The following ANK3 variants were observed in gnomAD, a reference collection of about 807,000 sequenced individuals.
The protein encoded by ANK3 is ankyrin-3.
Under a neutral mutation model 370.9 loss-of-function variants are expected in ANK3, and 57 were observed. The observed-to-expected ratio is 0.15, with a 90% CI of 0.12 to 0.19. The LOEUF is 0.19. ANK3 is among the 10% of genes least tolerant of loss of function. ANK3 has a pLI of 1.00. For synonymous variants in ANK3, 1,929 were observed against 1,946.3 expected (o/e 0.99, Z 0.23); for missense variants, 4,439 against 5,302.1 (o/e 0.84, Z 5.06).
chr10:60,710,733 G>T (rs916319795), intron 1 of ANK3, among the ~76,000 whole-genome samples: 5 of 152,158 alleles, frequency 3.3e-5, no homozygotes. Context: ...AAGCTGAAAA[G>T]TTCCACAATG....
intron 1 of ANK3, among the ~76,000 whole-genome samples, chr10:60,386,898 G>T (rs1402100189): frequency 2.0e-5 from 3 of 152,154 alleles, no homozygotes; most frequent in Non-Finnish European, 2.9e-5. Flanking sequence ...GGTGGCTCAC[G>T]CCTGTAATCC....
At chr10:60,183,179 C>T (rs1252278255) in intron 17 of ANK3, among the ~76,000 whole-genome samples, 1 of 152,168 alleles carries the variant, frequency 6.6e-6, no homozygotes, top group African/African-American at 2.4e-5. Flanking sequence ...AATAAAGGGC[C>T]AAGTTATTAC....
chr10:60,200,860 T>C (rs569344439), intron 12 of ANK3, among the ~76,000 whole-genome samples: 3 of 152,342 alleles, frequency 2.0e-5, no homozygotes, highest in South Asian at 4.1e-4. Flanking sequence ...CAGATCAATA[T>C]CTTAGTCTTT....
At chr10:60,286,375 ATGT>A (rs1266286311) in intron 1 of ANK3, among the ~76,000 whole-genome samples, 1 of 151,998 alleles carries the variant, frequency 6.6e-6, no homozygotes, top group Admixed American at 6.6e-5. Context: ...TTTTTGTCTA[ATGT>A]TGTGTTTCTT....
chr10:60,707,800 G>A (rs1181396541), intron 1 of ANK3, among the ~76,000 whole-genome samples: 1 of 151,816 alleles, frequency 6.6e-6, no homozygotes, highest in African/African-American at 2.4e-5. Flanking sequence ...ATTGCTGCAG[G>A]AATTTTCCTT....
At chr10:60,366,705 C>G (rs1297782053) in intron 1 of ANK3, among the ~76,000 whole-genome samples, 1 of 152,066 alleles carries the variant, frequency 6.6e-6, no homozygotes, top group Non-Finnish European at 1.5e-5. Context: ...ACTTGGTAGC[C>G]AACTGACCTT....
intron 23 of ANK3, among the ~76,000 whole-genome samples, chr10:60,162,409 G>A (rs1237041585): frequency 2.0e-5 from 3 of 152,104 alleles, no homozygotes; most frequent in Non-Finnish European, 4.4e-5. Flanking sequence ...GTGTATTTGG[G>A]CTTTCCTACC....
At chr10:60,558,733 T>A (rs1001643190) in intron 2 of ANK3, among the ~76,000 whole-genome samples, 3 of 152,224 alleles carry the variant, frequency 2.0e-5, no homozygotes, top group Admixed American at 6.5e-5. Context: ...TTTATGATTA[T>A]ATAATTCAGT....
intron 2 of ANK3, among the ~76,000 whole-genome samples, chr10:60,573,445 A>C (rs750377923): frequency 6.6e-6 from 1 of 152,220 alleles, no homozygotes; most frequent in Non-Finnish European, 1.5e-5. Context: ...TCTCTGTGGC[A>C]GAAACATTCT....
intron 1 of ANK3, among the ~76,000 whole-genome samples, chr10:60,352,651 G>T (rs2132702949): frequency 6.6e-6 from 1 of 152,230 alleles, no homozygotes; most frequent in East Asian, 1.9e-4. Flanking sequence ...ACCATCCTTG[G>T]ACTCTCTTTC....
chr10:60,464,378 G>T (rs1180012013), intron 2 of ANK3, among the ~76,000 whole-genome samples: 4 of 151,598 alleles, frequency 2.6e-5, no homozygotes, highest in Non-Finnish European at 4.4e-5. Context: ...TATTTTTTCT[G>T]AAAACAAGAT....
At chr10:60,273,939 T>C (rs1212088886) in intron 4 of ANK3, among the ~76,000 whole-genome samples, 1 of 152,210 alleles carries the variant, frequency 6.6e-6, no homozygotes, top group Non-Finnish European at 1.5e-5. Context: ...CTTTCCTTTA[T>C]AAATTACCCA....
intron 2 of ANK3, among the ~76,000 whole-genome samples, chr10:60,557,383 A>G (rs1382421678): frequency 1.3e-5 from 2 of 152,228 alleles, no homozygotes. Context: ...AGCCAGACAC[A>G]AAAGGACAAT....
At chr10:60,031,328 C>T (rs1270137284) in intron 43 of ANK3, among the ~76,000 whole-genome samples, 2 of 152,106 alleles carry the variant, frequency 1.3e-5, no homozygotes, top group Non-Finnish European at 2.9e-5. Flanking sequence ...TCTTGTCTTG[C>T]TGGAAGATTC....
chr10:60,392,111 A>G (rs547366122), upstream of ANK3, among the ~76,000 whole-genome samples: 1 of 152,324 alleles, frequency 6.6e-6, no homozygotes, highest in South Asian at 2.1e-4. Flanking sequence ...CTCCCTACAC[A>G]GCAGACATCC....
intron 2 of ANK3, among the ~76,000 whole-genome samples, chr10:60,556,861 G>C (rs2077218388): frequency 6.6e-6 from 1 of 152,152 alleles, no homozygotes; most frequent in Non-Finnish European, 1.5e-5. Context: ...GTGGTGGGTA[G>C]TGAGCATTAC....
intron 2 of ANK3, among the ~76,000 whole-genome samples, chr10:60,526,590 A>G (rs1185624599): frequency 5.3e-5 from 8 of 152,152 alleles, no homozygotes; most frequent in Non-Finnish European, 5.9e-5. Context: ...GCATTGTGGT[A>G]GGAATATATT....
intron 1 of ANK3, among the ~76,000 whole-genome samples, chr10:60,639,276 T>C (rs751645039): frequency 2.7e-4 from 40 of 150,618 alleles, no homozygotes; most frequent in Admixed American, 1.3e-3. Context: ...AGCAAAAATA[T>C]ATTTCAAAAA....
At chr10:60,198,800 C>A (rs938590654) in intron 13 of ANK3, among the ~76,000 whole-genome samples, 1 of 152,114 alleles carries the variant, frequency 6.6e-6, no homozygotes, top group Non-Finnish European at 1.5e-5. Flanking sequence ...CCCACCCACA[C>A]CTGCCACAGA....
Sources: allele counts gnomAD v4.1 joint callset (sites outside exome capture counted in the v4.1 genomes callset), GRCh38; gene constraint gnomAD v4.1.1; transcripts MANE v1.5; gene names NCBI Gene and HGNC (gene_info 2026-07-23, HGNC 2026-07-21).